Variants in CENPP observed in about 807,000 individuals in gnomAD.
CENPP encodes the protein centromere protein P.
CENPP carries 24 observed loss-of-function variants against 35.6 expected under a neutral mutation model. The observed-to-expected ratio is 0.67, with a 90% confidence interval of 0.49 to 0.95. CENPP has a LOEUF of 0.95. CENPP is among the 40% of genes least tolerant of loss of function. The probability of loss-of-function intolerance (pLI) is 0.00; values close to 1 mark genes in which losing one functional copy is unlikely to be tolerated. For synonymous variants in CENPP, 120 were observed against 125.5 expected, an observed-to-expected ratio of 0.96 and a Z score of 0.29; for missense variants, 332 against 345.3, an observed-to-expected ratio of 0.96 and a Z score of 0.31.
At chr9:92,478,880 T>TA (rs74312812) in intron 5 of CENPP, among the ~76,000 whole-genome samples, 22 of 146,028 alleles carry the variant, frequency 1.5e-4, no homozygotes, top group Middle Eastern at 3.6e-3. Context: ...CTATGGAACT[T>TA]AAAAAAAAAA....
chr9:92,506,271 A>G (rs1847003292), intron 5 of CENPP, among the ~76,000 whole-genome samples: 1 of 152,236 alleles, frequency 6.6e-6, no homozygotes, highest in Non-Finnish European at 1.5e-5. Context: ...TTCCCATCAT[A>G]GTTACTCACT....
At position 92,451,559 on chromosome 9, in the gene CENPP, G is replaced by A. The variant is rs77197748; in HGVS notation, c.564+71700G>A. Among the ~76,000 whole-genome samples the A allele has an allele frequency of 4.9e-3, 748 of 152,160 alleles. 1 individual carries two copies. The highest frequency in any genetic ancestry group is 7.4e-3 in the Non-Finnish European group (505 of 67,998). ...GCCTCCAGCTTTGTTCTTTTGGCTT[G>A]GGATTGACTTGGCGATGCGGGCTCT... On this transcript the variant is annotated intron_variant, in intron 5 of 7. Transcript: ENST00000375587.
intron 4 of CENPP, among the ~76,000 whole-genome samples, chr9:92,376,271 G>A (rs1224574409): frequency 1.3e-5 from 2 of 152,132 alleles, no homozygotes; most frequent in Non-Finnish European, 1.5e-5. Flanking sequence ...TCTGTTGTTT[G>A]TCTCAACTGT....
chr9:92,358,703 G>T (rs1313412255), intron 4 of CENPP, among the ~76,000 whole-genome samples: 1 of 151,726 alleles, frequency 6.6e-6, no homozygotes, highest in Non-Finnish European at 1.5e-5. Context: ...TTTAATTATT[G>T]TACTTTTCAC....
chr9:92,490,202 T>C (rs993436800), intron 5 of CENPP, among the ~76,000 whole-genome samples: 1 of 152,206 alleles, frequency 6.6e-6, no homozygotes, highest in Admixed American at 6.5e-5. Context: ...GTTTCCTGAT[T>C]TTGTGCACGA....
intron 5 of CENPP, chr9:92,505,557 C>A: frequency 1.2e-6 from 2 of 1,602,586 alleles, no homozygotes; most frequent in Middle Eastern, 1.7e-4. Context: ...GAAGACCCTG[C>A]GGTATAATTC....
intron 4 of CENPP, among the ~76,000 whole-genome samples, chr9:92,371,161 T>G (rs1841996435): frequency 6.6e-6 from 1 of 152,204 alleles, no homozygotes; most frequent in Admixed American, 6.5e-5. Flanking sequence ...GCTAATTTTC[T>G]GTTTGGTTTG....
At chr9:92,440,820 A>G (rs1564321439) in intron 5 of CENPP, among the ~76,000 whole-genome samples, 2 of 152,322 alleles carry the variant, frequency 1.3e-5, no homozygotes, top group African/African-American at 2.4e-5. Context: ...TCAGGCATCT[A>G]CAGGGGATGT....
At chr9:92,566,435 A>G (rs1849970302) in intron 5 of CENPP, among the ~76,000 whole-genome samples, 1 of 152,208 alleles carries the variant, frequency 6.6e-6, no homozygotes, top group Non-Finnish European at 1.5e-5. Context: ...AGAGTTTTAA[A>G]AACTGTCTAA....
intron 5 of CENPP, among the ~76,000 whole-genome samples, chr9:92,585,756 G>A (rs1056241143): frequency 2.0e-5 from 3 of 152,186 alleles, no homozygotes; most frequent in Admixed American, 1.3e-4. Flanking sequence ...TGCTTGGTGA[G>A]GAGAAGGCCT....
upstream of CENPP, chr9:92,325,632 T>A (rs1840417942): frequency 4.3e-6 from 1 of 234,164 alleles, no homozygotes; most frequent in African/African-American, 2.3e-5. Flanking sequence ...GGCGCTCCCC[T>A]CCACGTGATC....
intron 5 of CENPP, chr9:92,403,128 T>C: frequency 1.5e-6 from 1 of 672,024 alleles, no homozygotes; most frequent in African/African-American, 1.8e-5. Flanking sequence ...TCATTTAAAG[T>C]GATTTTCCCT....
chr9:92,514,564 C>T (rs910371744), intron 5 of CENPP: 32 of 1,514,010 alleles, frequency 2.1e-5, no homozygotes, highest in East Asian at 1.4e-4. Context: ...CGTGAGCCAC[C>T]GTGCCCAGCT....
intron 5 of CENPP, among the ~76,000 whole-genome samples, chr9:92,428,997 T>A (rs145147885): frequency 6.6e-6 from 1 of 152,104 alleles, no homozygotes; most frequent in African/African-American, 2.4e-5. Flanking sequence ...CTAACTCTTA[T>A]CTTTAAGACA....
chr9:92,417,814 G>T (rs1843664823), intron 5 of CENPP, among the ~76,000 whole-genome samples: 1 of 152,100 alleles, frequency 6.6e-6, no homozygotes, highest in East Asian at 1.9e-4. Context: ...TGCCTCCCAG[G>T]CTCCCAGGTT....
chr9:92,596,808 C>A (rs1358939840), intron 5 of CENPP, among the ~76,000 whole-genome samples: 1 of 151,578 alleles, frequency 6.6e-6, no homozygotes, highest in African/African-American at 2.4e-5. Flanking sequence ...TTATAACCTT[C>A]CTCTATAATA....
At chr9:92,455,345 A>G (rs74983676) in intron 5 of CENPP, among the ~76,000 whole-genome samples, 5 of 152,182 alleles carry the variant, frequency 3.3e-5, no homozygotes, top group Non-Finnish European at 2.9e-5. Flanking sequence ...TGCTATGATC[A>G]CACTGCTGCA....
chr9:92,415,251 TTCA>T (rs1253116495), intron 5 of CENPP: 1 of 1,613,716 alleles, frequency 6.2e-7, no homozygotes, highest in Non-Finnish European at 8.5e-7. Flanking sequence ...GATCTTCACT[TTCA>T]TCATCATCAT....
intron 5 of CENPP, chr9:92,516,928 A>G (rs899525178): frequency 2.6e-5 from 4 of 152,222 alleles, no homozygotes; most frequent in African/African-American, 9.7e-5. Flanking sequence ...GTTATAGACA[A>G]GAGAAGATGT....
Sources: gnomAD v4.1 joint callset for allele counts (sites outside exome capture counted in the v4.1 genomes callset) on GRCh38, gnomAD v4.1.1 for gene constraint, MANE v1.5 for transcripts, NCBI Gene and HGNC (gene_info 2026-07-23, HGNC 2026-07-21) for gene names.